The following SLC7A7 variants were observed in gnomAD, a reference collection of about 807,000 sequenced individuals.
SLC7A7 encodes the protein Y+L amino acid transporter 1.
SLC7A7 carries 39 observed loss-of-function variants against 47.9 expected under a neutral mutation model. The ratio of observed to expected loss-of-function variants is 0.81; its 90% confidence interval spans 0.63 to 1.06. The LOEUF (loss-of-function observed/expected upper bound fraction) is 1.06. Among genes scored for constraint, SLC7A7 ranks in the 50% least tolerant of loss-of-function variants. SLC7A7 has a pLI of 0.00. For synonymous variants in SLC7A7, 234 were observed against 242.8 expected, an observed-to-expected ratio of 0.96 and a Z score of 0.34; for missense variants, 588 against 632.0, an observed-to-expected ratio of 0.93 and a Z score of 0.75.
At chr14:22,781,185 G>C (rs911761234) in intron 2 of SLC7A7, among the ~76,000 whole-genome samples, 1 of 152,160 alleles carries the variant, frequency 6.6e-6, no homozygotes, top group African/African-American at 2.4e-5. Flanking sequence ...CCAGTCAAGA[G>C]AATGAGGCCT....
At position 22,773,676 on chromosome 14, in the gene SLC7A7, A is replaced by T; in HGVS notation, c.1470T>A (p.Val490=). Reference sequence around the variant, plus strand: ...CATCTTCCAAATCCATTTCTGCAGCAACTGACATACACAGGACCTGGAGGT... The same window carrying T: ...CATCTTCCAAATCCATTTCTGCAGCTACTGACATACACAGGACCTGGAGGT... ...TRYLQVLCMS[V]AAEMDLEDGG... is the part of the protein sequence containing the mutation. The change falls in exon 10 of 10, where the codon GTT becomes GTA. Residue 490 remains valine, a synonymous_variant. Transcript: ENST00000674313. 6.2e-7 allele frequency: 1 copy of T among 1,614,182 alleles called. No homozygotes were observed. Among genetic ancestry groups the T allele is most frequent in the Non-Finnish European group, 8.5e-7 (1 of 1,180,040 alleles).
intron 2 of SLC7A7, among the ~76,000 whole-genome samples, chr14:22,795,512 T>C (rs1036622716): frequency 1.3e-5 from 2 of 151,326 alleles, no homozygotes; most frequent in African/African-American, 4.9e-5. Context: ...TCTCACTCTG[T>C]CGCCCAGGCT....
At chr14:22,795,394 C>T (rs201023075) in intron 2 of SLC7A7, among the ~76,000 whole-genome samples, 2,640 of 59,576 alleles carry the variant, frequency 0.044, 53 homozygotes, top group Middle Eastern at 0.076. Context: ...TGCTTTCTTT[C>T]TTTCTTTCTT....
chr14:22,786,597 C>A (rs2038821986), intron 2 of SLC7A7, among the ~76,000 whole-genome samples: 1 of 152,208 alleles, frequency 6.6e-6, no homozygotes. Context: ...TTTCCCACCT[C>A]AAAGTGATGA....
At chr14:22,811,844 C>CA (rs57356836) in intron 2 of SLC7A7, among the ~76,000 whole-genome samples, 27,299 of 123,114 alleles carry the variant, frequency 0.22, 3,191 homozygotes, top group African/African-American at 0.26. Context: ...GACTCTATCT[C>CA]AAAAAAAAAA....
chr14:22,780,681 T>C (rs2038703165), intron 2 of SLC7A7, among the ~76,000 whole-genome samples: 1 of 152,164 alleles, frequency 6.6e-6, no homozygotes, highest in Non-Finnish European at 1.5e-5. Context: ...AATAGAGAAG[T>C]AAGAGCCACA....
At position 22,773,922 on chromosome 14, in the gene SLC7A7, G is replaced by A. The variant is rs1377527296; in HGVS notation, c.1429+11C>T. The A allele has an allele frequency of 1.2e-6, 2 of 1,613,814 alleles. No individual in the cohort carries two copies. Among genetic ancestry groups the A allele is most frequent in the Non-Finnish European group, 1.7e-6 (2 of 1,180,018 alleles). ...GCAATAGCTGAGCGGACTTAAGGAT[G>A]CACGGCTTACCCACGATCCTTCGGA... On this transcript the variant is annotated intron_variant, in intron 9 of 9. Transcript: ENST00000674313.
At chr14:22,781,020 GA>G (rs142157145) in intron 2 of SLC7A7, among the ~76,000 whole-genome samples, 3 of 150,876 alleles carry the variant, frequency 2.0e-5, no homozygotes, top group Admixed American at 6.6e-5. Flanking sequence ...AAGAAAGTTG[GA>G]AAAAAAAATA....
chr14:22,794,201 C>T (rs1281252266), intron 2 of SLC7A7, among the ~76,000 whole-genome samples: 1 of 152,206 alleles, frequency 6.6e-6, no homozygotes, highest in Non-Finnish European at 1.5e-5. Context: ...CTCATTATTG[C>T]AATATCCCTG....
chr14:22,815,907 T>G, upstream of SLC7A7: 1 of 351,652 alleles, frequency 2.8e-6, no homozygotes, highest in Non-Finnish European at 5.6e-6. Flanking sequence ...TTACAGGAAG[T>G]GTAAGAGCAG....
intron 2 of SLC7A7, among the ~76,000 whole-genome samples, chr14:22,794,718 C>T (rs953221276): frequency 6.6e-6 from 1 of 152,154 alleles, no homozygotes; most frequent in Non-Finnish European, 1.5e-5. Context: ...TCAGAACAGT[C>T]GCAACCCTTT....
chr14:22,806,342 C>T (rs1170207026), intron 2 of SLC7A7, among the ~76,000 whole-genome samples: 2 of 151,412 alleles, frequency 1.3e-5, no homozygotes, highest in Non-Finnish European at 2.9e-5. Flanking sequence ...ATTACAGGTG[C>T]CCGCCATCAT....
At chr14:22,803,033 G>A (rs2039142731) in intron 2 of SLC7A7, among the ~76,000 whole-genome samples, 1 of 152,126 alleles carries the variant, frequency 6.6e-6, no homozygotes, top group African/African-American at 2.4e-5. Context: ...ATGTGCTGGT[G>A]ATTCAGCAGT....
chr14:22,777,176 G>C (rs926351804), intron 4 of SLC7A7, among the ~76,000 whole-genome samples: 13 of 151,596 alleles, frequency 8.6e-5, no homozygotes, highest in Admixed American at 8.6e-4. Flanking sequence ...AGCAGGGCGG[G>C]GGGGATTAAC....
chr14:22,788,228 T>C (rs1462009742), intron 2 of SLC7A7, among the ~76,000 whole-genome samples: 1 of 152,186 alleles, frequency 6.6e-6, no homozygotes, highest in East Asian at 1.9e-4. Flanking sequence ...TCAACAAGAA[T>C]ATCATGAGAA....
intron 2 of SLC7A7, among the ~76,000 whole-genome samples, chr14:22,796,204 C>T (rs1055988119): frequency 6.6e-6 from 1 of 152,174 alleles, no homozygotes; most frequent in Non-Finnish European, 1.5e-5. Flanking sequence ...TTGGGGGGCC[C>T]AGCATCTGAC....
chr14:22,808,716 C>A (rs775185911), intron 2 of SLC7A7, among the ~76,000 whole-genome samples: 3 of 152,216 alleles, frequency 2.0e-5, no homozygotes, highest in Non-Finnish European at 2.9e-5. Flanking sequence ...TCACTAAATT[C>A]TTAGTCTTGG....
At chr14:22,792,081 C>G (rs1176893514) in intron 2 of SLC7A7, among the ~76,000 whole-genome samples, 1 of 152,056 alleles carries the variant, frequency 6.6e-6, no homozygotes, top group African/African-American at 2.4e-5. Context: ...GTGATCCACC[C>G]GCCTTGGCCT....
intron 2 of SLC7A7, among the ~76,000 whole-genome samples, chr14:22,785,033 C>T (rs1336495338): frequency 6.6e-6 from 1 of 152,156 alleles, no homozygotes; most frequent in East Asian, 1.9e-4. Flanking sequence ...AATCCCAGCA[C>T]CTTGAGAGAC....
Sources: gnomAD v4.1 joint callset for allele counts (sites outside exome capture counted in the v4.1 genomes callset) on GRCh38, gnomAD v4.1.1 for gene constraint, MANE v1.5 for transcripts, NCBI Gene and HGNC (gene_info 2026-07-23, HGNC 2026-07-21) for gene names.